PLAT: variants seen among roughly 807,000 people sequenced by gnomAD.
The protein encoded by PLAT is tissue-type plasminogen activator.
A neutral mutation model predicts 74.9 loss-of-function variants in PLAT; 48 were observed. The observed-to-expected ratio is 0.64, with a 90% CI of 0.51 to 0.82. The LOEUF is 0.82. PLAT is among the 40% of genes least tolerant of loss of function. The probability of loss-of-function intolerance (pLI) is 0.00; values close to 1 mark genes in which losing one functional copy is unlikely to be tolerated. For missense variants in PLAT, 673 were observed against 736.2 expected, an observed-to-expected ratio of 0.91 and a Z score of 0.99; for synonymous variants, 307 against 294.4, an observed-to-expected ratio of 1.04 and a Z score of -0.44.
chr8:42,191,141 G>T (rs8178734), intron 3 of PLAT, among the ~76,000 whole-genome samples: 15,618 of 152,194 alleles, frequency 0.1, 2,567 homozygotes, highest in African/African-American at 0.35. Flanking sequence ...TGGCTCCTTG[G>T]GGGGGAACAC....
At position 42,182,830 on chromosome 8, in the gene PLAT, T is replaced by C. The variant is rs1217272570; in HGVS notation, c.692A>G (p.Glu231Gly). Residue 231 changes from glutamate (E) to glycine (G), a missense_variant, in exon 8 of 14, where the codon GAG (glutamate) becomes GGG (glycine). Coordinates refer to ENST00000220809, the MANE Select transcript of PLAT (RefSeq NM_000930.5). ...SAYRGTHSLT[E>G]SGASCLPWNS... is the part of the protein sequence containing the mutation. ...CCACGGGAGGCAGGAGGCACCCGAC[T>C]CGGTGAGGCTGTGCGTGCCACGGTA... 7 of 1,613,538 alleles carry C rather than the reference T, an allele frequency of 4.3e-6. No homozygotes were observed. Among genetic ancestry groups the C allele is most frequent in the Non-Finnish European group, 5.9e-6 (7 of 1,179,462 alleles).
chr8:42,205,141 A>G (rs1310714961), intron 1 of PLAT, among the ~76,000 whole-genome samples: 2 of 152,252 alleles, frequency 1.3e-5, no homozygotes, highest in African/African-American at 4.8e-5. Flanking sequence ...GCAAATGGGT[A>G]CAGGACAAAG....
chr8:42,175,972 T>G lies in PLAT; in HGVS notation c.*21A>C, dbSNP rs747174369. The G allele has an allele frequency of 2.1e-5, 34 of 1,612,620 alleles. No individual in the cohort carries two copies. The Admixed American group carries it at 5.2e-4, about 25-fold the overall frequency. On this transcript the variant is annotated 3_prime_UTR_variant, in exon 14 of 14. Coordinates refer to ENST00000220809, the MANE Select transcript of PLAT (RefSeq NM_000930.5). ...GAAGAGGCGGGATCTCATTTGCTTTTGAGGAGTCGGGTGTTCCTGGTCACG... is the reference window on the plus strand; with the variant it reads ...GAAGAGGCGGGATCTCATTTGCTTTGGAGGAGTCGGGTGTTCCTGGTCACG...
intron 1 of PLAT, among the ~76,000 whole-genome samples, chr8:42,194,241 A>AGAGAGAGTGTGTGTGTGT (rs1419569830): frequency 1.3e-4 from 7 of 52,544 alleles, no homozygotes; most frequent in African/African-American, 4.0e-4. Context: ...AGAGAGAGAG[A>AGAGAGAGTGTGTGTGTGT]GTGTGTGTGT....
intron 2 of PLAT, 75 bp downstream of exon 2, chr8:42,193,039 A>G: frequency 1.9e-6 from 2 of 1,029,186 alleles, no homozygotes; most frequent in Non-Finnish European, 1.5e-6. Flanking sequence ...CGTGGCCCAG[A>G]TGGACACAGA....
chr8:42,176,112 G>C lies in PLAT; in HGVS notation c.1570C>G (p.Arg524Gly). 1 of 1,613,888 alleles carries C rather than the reference G, an allele frequency of 6.2e-7. No homozygotes were observed. The highest frequency in any genetic ancestry group is 8.5e-7 in the Non-Finnish European group (1 of 1,179,896). The change falls in exon 14 of 14, where the codon CGC (arginine) becomes GGC (glycine). Residue 524 changes from arginine (R) to glycine (G), a missense_variant. Arg to Gly is a moderately radical substitution (Grantham distance 125). Transcript: ENST00000220809. ...CTGATGATGCCCACCAAAGTCATGC[G>C]GCCATCGTTCAGACACACCAGGGGG... Reference protein sequence around the residue: ...GGPLVCLNDGRMTLVGIISWG... With the variant: ...GGPLVCLNDGGMTLVGIISWG...
At chr8:42,184,993 C>A in intron 7 of PLAT, 88 bp downstream of exon 7, 1 of 816,052 alleles carries the variant, frequency 1.2e-6, no homozygotes. Context: ...CCCTTTCTCC[C>A]CTCAGGTGCA....
intron 1 of PLAT, among the ~76,000 whole-genome samples, chr8:42,205,143 A>G (rs1048874778): frequency 6.6e-6 from 1 of 152,368 alleles, no homozygotes; most frequent in South Asian, 2.1e-4. Context: ...AAATGGGTAC[A>G]GGACAAAGGA....
At chr8:42,206,383 C>G (rs1162679156) in intron 1 of PLAT, among the ~76,000 whole-genome samples, 1 of 152,236 alleles carries the variant, frequency 6.6e-6, no homozygotes, top group East Asian at 1.9e-4. Context: ...GCAGCTCATG[C>G]TGACCGTCAT....
intron 1 of PLAT, among the ~76,000 whole-genome samples, chr8:42,203,742 GT>G (rs1806219681): frequency 6.6e-6 from 1 of 152,090 alleles, no homozygotes; most frequent in African/African-American, 2.4e-5. Context: ...TGGCAAGAGG[GT>G]TGCTTGAGGC....
intron 1 of PLAT, among the ~76,000 whole-genome samples, chr8:42,202,908 C>G (rs765247564): frequency 1.3e-4 from 20 of 152,168 alleles, no homozygotes; most frequent in Non-Finnish European, 2.4e-4. Context: ...CTGCTCCAGA[C>G]AGAGCACATC....
chr8:42,180,070 G>A lies in PLAT; in HGVS notation c.1223-4C>T. The A allele has an allele frequency of 6.2e-7, 1 of 1,603,160 alleles. No homozygotes were observed. The highest frequency in any genetic ancestry group is 8.5e-7 in the Non-Finnish European group (1 of 1,172,502). Reference sequence around the variant, plus strand: ...TCCGATTTCAGCTGCAGCAGCGCTGGGAGGGAGAAAGGAGGAGTGAGCTGG... The same window carrying A: ...TCCGATTTCAGCTGCAGCAGCGCTGAGAGGGAGAAAGGAGGAGTGAGCTGG... On this transcript the variant is annotated splice_polypyrimidine_tract_variant and splice_region_variant and intron_variant, in intron 11 of 13. Transcript: ENST00000220809.
In PLAT at chr8:42,178,941, T is replaced by C. The variant is rs778389030; in HGVS notation, c.1486A>G (p.Thr496Ala). The C allele has an allele frequency of 6.2e-7, 1 of 1,613,824 alleles. No homozygotes were observed. Among genetic ancestry groups the C allele is most frequent in the African/African-American group, 1.3e-5 (1 of 74,902 alleles). ...VTDNMLCAGD[T>A]RSGGPQANLH... ...TTTGCCTGGGGCCCGCCGCTCCGAG[T>C]GTCTCCAGCACACAGCATGTTGTCG... Residue 496 changes from threonine to alanine, a missense_variant, in exon 13 of 14, where the codon ACT (threonine) becomes GCT (alanine). Thr to Ala is a moderately conservative substitution (Grantham distance 58). Transcript: ENST00000220809.
chr8:42,180,901 A>C, intron 9 of PLAT: 3 of 516,148 alleles, frequency 5.8e-6, no homozygotes, highest in Admixed American at 7.5e-5. Flanking sequence ...CACCTGGATT[A>C]GTTCCCAAGT....
chr8:42,195,010 G>A (rs1276221623), intron 1 of PLAT, among the ~76,000 whole-genome samples: 1 of 152,156 alleles, frequency 6.6e-6, no homozygotes, highest in Non-Finnish European at 1.5e-5. Context: ...GTGTTATTTT[G>A]TGGTCTGGCG....
intron 3 of PLAT, among the ~76,000 whole-genome samples, chr8:42,190,037 A>G (rs951252529): frequency 2.0e-5 from 3 of 151,928 alleles, no homozygotes; most frequent in Admixed American, 2.0e-4. Flanking sequence ...CAACCTCCCA[A>G]GTAGCTGGGA....
At chr8:42,184,160 C>T (rs1323635627) in intron 7 of PLAT, among the ~76,000 whole-genome samples, 1 of 151,874 alleles carries the variant, frequency 6.6e-6, no homozygotes, top group Non-Finnish European at 1.5e-5. Context: ...AGGCTGGTCT[C>T]AAACTCCTGG....
At chr8:42,205,283 T>C (rs1806287413) in intron 1 of PLAT, among the ~76,000 whole-genome samples, 1 of 152,170 alleles carries the variant, frequency 6.6e-6, no homozygotes, top group Non-Finnish European at 1.5e-5. Flanking sequence ...TCCCAGCACT[T>C]CGGGGGGCCG....
chr8:42,179,522 T>G (rs1805125285), intron 12 of PLAT, among the ~76,000 whole-genome samples: 1 of 152,182 alleles, frequency 6.6e-6, no homozygotes, highest in South Asian at 2.1e-4. Flanking sequence ...GATAGTTCTA[T>G]CTCCACTTTA....
Sources: gnomAD v4.1 joint callset for allele counts (sites outside exome capture counted in the v4.1 genomes callset) on GRCh38, gnomAD v4.1.1 for gene constraint, MANE v1.5 for transcripts, NCBI Gene and HGNC (gene_info 2026-07-23, HGNC 2026-07-21) for gene names.